ZNF430: variants seen among roughly 807,000 people sequenced by gnomAD.
The protein encoded by ZNF430 is zinc finger protein 430.
A neutral mutation model predicts 56.7 loss-of-function variants in ZNF430; 35 were observed. The ratio of observed to expected loss-of-function variants is 0.62; its 90% CI spans 0.47 to 0.82. The LOEUF (loss-of-function observed/expected upper bound fraction) is 0.82. Ranked by LOEUF, ZNF430 falls within the 40% of genes least tolerant of loss-of-function variation. ZNF430 has a pLI of 0.00. For synonymous variants in ZNF430, 212 were observed against 224.3 expected, an observed-to-expected ratio of 0.94 and a Z score of 0.49; for missense variants, 574 against 661.0, an observed-to-expected ratio of 0.87 and a Z score of 1.44.
chr19:21,020,673 T>C lies in ZNF430; in HGVS notation c.-128T>C. The C allele has an allele frequency of 7.2e-7, 1 of 1,395,972 alleles. No homozygotes were observed. Among genetic ancestry groups the C allele is most frequent in the Non-Finnish European group, 1.0e-6 (1 of 994,346 alleles). 86.5% of individuals were successfully genotyped at this position (1,395,972 alleles called of 1,614,324 possible). A position where few individuals can be genotyped will look rare whatever the true frequency, so the allele number is the denominator to read the frequency against. ...GGGGCCTTTGTCCCTCGCTGTGGCC[T>C]GAGCTCCAGGTCTCGTCTTCAGCGC... On this transcript the variant is annotated 5_prime_UTR_variant, in exon 1 of 5. Transcript: ENST00000261560.
chr19:21,054,625 T>G (rs1227194665), intron 4 of ZNF430, among the ~76,000 whole-genome samples: 3 of 151,564 alleles, frequency 2.0e-5, no homozygotes, highest in African/African-American at 7.3e-5. Context: ...TAAATATCTT[T>G]GTGTGTATCC....
chr19:21,056,147 TG>T (rs1229999757), intron 4 of ZNF430, among the ~76,000 whole-genome samples: 1 of 152,172 alleles, frequency 6.6e-6, no homozygotes, highest in Non-Finnish European at 1.5e-5. Context: ...GATGTATTTT[TG>T]TTGGATGTTT....
At chr19:21,038,892 G>A (rs759482988) in intron 4 of ZNF430, among the ~76,000 whole-genome samples, 3 of 152,140 alleles carry the variant, frequency 2.0e-5, no homozygotes, top group Admixed American at 1.3e-4. Flanking sequence ...ACCACTGTAG[G>A]TTGTATTGAC....
intron 2 of ZNF430, among the ~76,000 whole-genome samples, chr19:21,031,056 G>A (rs970998278): frequency 3.3e-5 from 5 of 152,102 alleles, no homozygotes; most frequent in African/African-American, 1.2e-4. Context: ...CTAATTTTTT[G>A]TGTTTTTAGT....
intron 2 of ZNF430, among the ~76,000 whole-genome samples, chr19:21,028,817 C>T (rs995042996): frequency 7.9e-5 from 12 of 152,118 alleles, no homozygotes; most frequent in African/African-American, 2.9e-4. Context: ...TCCCAAATAG[C>T]TGGGAATACA....
chr19:21,046,032 T>G (rs1968181047), intron 4 of ZNF430, among the ~76,000 whole-genome samples: 1 of 152,146 alleles, frequency 6.6e-6, no homozygotes, highest in Non-Finnish European at 1.5e-5. Flanking sequence ...CATTTAAATT[T>G]AAGATTAGGC....
intron 2 of ZNF430, among the ~76,000 whole-genome samples, chr19:21,025,166 C>CA (rs1458496488): frequency 6.6e-6 from 1 of 152,162 alleles, no homozygotes; most frequent in Non-Finnish European, 1.5e-5. Flanking sequence ...ACTCTATAGG[C>CA]AGAGCAGCCC....
At chr19:21,048,227 C>T (rs1216777655) in intron 4 of ZNF430, among the ~76,000 whole-genome samples, 4 of 105,138 alleles carry the variant, frequency 3.8e-5, no homozygotes, top group Admixed American at 1.5e-4. Context: ...GGGTGTTTCT[C>T]GCAGAGGGGG....
intron 2 of ZNF430, among the ~76,000 whole-genome samples, chr19:21,024,033 A>G (rs1415334785): frequency 6.6e-6 from 1 of 152,262 alleles, no homozygotes; most frequent in Admixed American, 6.5e-5. Flanking sequence ...TTCAAAAACC[A>G]AGTGAGTAAC....
At chr19:21,052,756 T>A (rs112382176) in intron 4 of ZNF430, among the ~76,000 whole-genome samples, 2 of 152,174 alleles carry the variant, frequency 1.3e-5, no homozygotes, top group African/African-American at 4.8e-5. Flanking sequence ...TAGCTGAGTC[T>A]TGTAGAAAGG....
Position 21,059,941 on chromosome 19 carries a change from T to A in ZNF430, c.*1920T>A, listed in dbSNP as rs1968441607. On this transcript the variant is annotated 3_prime_UTR_variant, in exon 5 of 5. Coordinates refer to ENST00000261560, the MANE Select transcript of ZNF430 (RefSeq NM_025189.4). ...ATTAGGTAGGTGTTCAGAGTAATAT[T>A]TTGCGTTGTGAGAACATTTTTAATT... The A allele has an allele frequency of 6.6e-6, 1 of 152,100 alleles. No homozygotes were observed. Among genetic ancestry groups the A allele is most frequent in the Non-Finnish European group, 1.5e-5 (1 of 68,016 alleles). The allele number at this position is 152,100 out of a possible 1,614,324, so 9.4% of individuals were successfully genotyped here. A position where few individuals can be genotyped will look rare whatever the true frequency, so the allele number is the denominator to read the frequency against.
chr19:21,026,072 G>T (rs949900200), intron 2 of ZNF430: 1 of 282,680 alleles, frequency 3.5e-6, no homozygotes, highest in Non-Finnish European at 6.8e-6. Context: ...TAGAGACGGG[G>T]TTTCACCATG....
chr19:21,058,172 C>T lies in ZNF430; in HGVS notation c.*151C>T, dbSNP rs961570513. Reference sequence around the variant, plus strand: ...GACATAAGATAATTCTGGCTGGGTGCGGTGGCTCACACCTGTAATCCCAGC... The same window carrying T: ...GACATAAGATAATTCTGGCTGGGTGTGGTGGCTCACACCTGTAATCCCAGC... On this transcript the variant is annotated 3_prime_UTR_variant, in exon 5 of 5. Coordinates refer to ENST00000261560, the MANE Select transcript of ZNF430 (RefSeq NM_025189.4). The T allele has an allele frequency of 4.0e-5, 30 of 749,612 alleles. No homozygotes were observed. The highest frequency in any genetic ancestry group is 2.6e-4 in the Admixed American group (9 of 34,000). 46.4% of individuals were successfully genotyped at this position (749,612 alleles called of 1,614,324 possible). A position where few individuals can be genotyped will look rare whatever the true frequency, so the allele number is the denominator to read the frequency against.
At chr19:21,041,393 C>G (rs981844389) in intron 4 of ZNF430, among the ~76,000 whole-genome samples, 1 of 152,152 alleles carries the variant, frequency 6.6e-6, no homozygotes, top group South Asian at 2.1e-4. Flanking sequence ...CTGGGCCTCC[C>G]AAAGTCCTGA....
At chr19:21,044,890 G>A (rs868834056) in intron 4 of ZNF430, among the ~76,000 whole-genome samples, 2 of 152,104 alleles carry the variant, frequency 1.3e-5, no homozygotes, top group African/African-American at 4.8e-5. Context: ...AGTATTTTCT[G>A]ATGGTTTGTA....
rs1401872584 is a variant in ZNF430 at position 21,057,521 on chromosome 19, G to T, written c.1213G>T (p.Glu405Ter). The T allele has an allele frequency of 6.2e-7, 1 of 1,613,360 alleles. No homozygotes were observed. The highest frequency in any genetic ancestry group is 2.2e-5 in the East Asian group (1 of 44,814). The part of the protein sequence containing the change: ...HTGEKFYKCE[E>*]CGKGFNWSST... ...TGGAGAGAAATTCTACAAATGTGAAGAATGTGGCAAAGGCTTTAATTGGTC... is the reference window on the plus strand; with the variant it reads ...TGGAGAGAAATTCTACAAATGTGAATAATGTGGCAAAGGCTTTAATTGGTC... The change falls in exon 5 of 5, where the codon GAA becomes TAA. Residue 405 changes from glutamate (E) to a stop codon, truncating the protein, a stop_gained. Coordinates refer to ENST00000261560, the MANE Select transcript of ZNF430 (RefSeq NM_025189.4). LOFTEE classifies it high-confidence loss of function.
chr19:21,054,798 C>G (rs1292898840), intron 4 of ZNF430, among the ~76,000 whole-genome samples: 1 of 151,134 alleles, frequency 6.6e-6, no homozygotes, highest in Non-Finnish European at 1.5e-5. Flanking sequence ...CCTCAGCCTC[C>G]TGCGTAGCTG....
chr19:21,050,460 T>C (rs995813205), intron 4 of ZNF430, among the ~76,000 whole-genome samples: 13 of 152,206 alleles, frequency 8.5e-5, no homozygotes, highest in African/African-American at 3.1e-4. Flanking sequence ...TAATTATCTC[T>C]TTTTCCCTGT....
At chr19:21,043,719 A>G (rs1285621856) in intron 4 of ZNF430, among the ~76,000 whole-genome samples, 2 of 152,032 alleles carry the variant, frequency 1.3e-5, no homozygotes, top group Non-Finnish European at 2.9e-5. Context: ...CGTTTTTACA[A>G]TATTGATTAT....
Sources: allele counts gnomAD v4.1 joint callset (sites outside exome capture counted in the v4.1 genomes callset), GRCh38; gene constraint gnomAD v4.1.1; transcripts MANE v1.5; gene names NCBI Gene and HGNC (gene_info 2026-07-23, HGNC 2026-07-21).